The following UBE2V2 variants were observed in gnomAD, a reference collection of about 807,000 sequenced individuals.
UBE2V2 encodes ubiquitin-conjugating enzyme E2 variant 2.
A neutral mutation model predicts 17.2 loss-of-function variants in UBE2V2; 9 were observed. That is an observed-to-expected ratio of 0.52 (90% CI 0.32 to 0.91). The LOEUF is 0.91. Ranked by LOEUF, UBE2V2 falls within the 40% of genes least tolerant of loss-of-function variation. UBE2V2 has a pLI of 0.04. For synonymous variants in UBE2V2, 61 were observed against 57.5 expected (o/e 1.06, Z -0.28); for missense variants, 133 against 182.6 (o/e 0.73, Z 1.56).
chr8:48,031,220 ACAAAC>A (rs1019083807), intron 1 of UBE2V2, among the ~76,000 whole-genome samples: 28 of 674 alleles, frequency 0.042, no homozygotes, highest in African/African-American at 0.11. Context: ...AAACAAACAA[ACAAAC>A]CCCCCCCAAC....
chr8:48,045,660 C>G (rs2091493898), intron 2 of UBE2V2, among the ~76,000 whole-genome samples: 1 of 152,024 alleles, frequency 6.6e-6, no homozygotes, highest in African/African-American at 2.4e-5. Context: ...CATCAGAGAC[C>G]CCCTCACTTC....
intron 3 of UBE2V2, among the ~76,000 whole-genome samples, chr8:48,051,821 A>G (rs2091540756): frequency 6.6e-6 from 1 of 152,130 alleles, no homozygotes; most frequent in African/African-American, 2.4e-5. Flanking sequence ...ACCCTGAGAA[A>G]GGAAGAAGCT....
In UBE2V2 at chr8:48,024,761, AT is replaced by A. The variant is rs570668625; in HGVS notation, c.16+16292del. Among the ~76,000 whole-genome samples the A allele has an allele frequency of 6.6e-3, 999 of 152,292 alleles. 7 individuals carry two copies. The highest frequency in any genetic ancestry group is 0.011 in the Non-Finnish European group (754 of 68,018). On this transcript the variant is annotated intron_variant, in intron 1 of 3. Transcript: ENST00000523111. Reference sequence around the variant, plus strand: ...GATAGAGTCTAAAGGCATTAATAGAATATTAAAACTCCATGTTCTTTTAAGG... The same window carrying A: ...GATAGAGTCTAAAGGCATTAATAGAAATTAAAACTCCATGTTCTTTTAAGG...
chr8:48,006,481 C>T (rs753361869), upstream of UBE2V2, among the ~76,000 whole-genome samples: 8 of 151,952 alleles, frequency 5.3e-5, no homozygotes, highest in African/African-American at 1.9e-4. Context: ...CTTTTGCTTA[C>T]GATTGCCTTG....
intron 3 of UBE2V2, among the ~76,000 whole-genome samples, chr8:48,057,801 AAACT>A (rs748210666): frequency 2.0e-5 from 3 of 152,174 alleles, no homozygotes; most frequent in Non-Finnish European, 4.4e-5. Context: ...GTGTAAAGAA[AAACT>A]AATTATTGTA....
intron 1 of UBE2V2, among the ~76,000 whole-genome samples, chr8:48,036,305 T>C (rs2091424673): frequency 1.3e-5 from 2 of 151,800 alleles, no homozygotes; most frequent in African/African-American, 4.8e-5. Flanking sequence ...TGTTCTTAAG[T>C]AGTGCTCCAA....
At chr8:48,035,653 G>T (rs1353049940) in intron 1 of UBE2V2, among the ~76,000 whole-genome samples, 2 of 134,382 alleles carry the variant, frequency 1.5e-5, no homozygotes, top group African/African-American at 2.9e-5. Flanking sequence ...GTGTGTGTGT[G>T]TGTGTGTATA....
intron 1 of UBE2V2, among the ~76,000 whole-genome samples, chr8:48,014,258 A>G (rs2091252806): frequency 2.0e-5 from 3 of 152,150 alleles, no homozygotes; most frequent in Admixed American, 6.6e-5. Context: ...CATGCAAAAA[A>G]CTACCCAAAG....
intron 1 of UBE2V2, among the ~76,000 whole-genome samples, chr8:48,037,713 A>G (rs559962284): frequency 3.9e-5 from 6 of 152,208 alleles, no homozygotes; most frequent in South Asian, 4.1e-4. Context: ...CTCACAGTAG[A>G]CATTTGGTGC....
chr8:47,997,759 G>A, the UBE2V2 span, among the ~76,000 whole-genome samples: 1 of 151,932 alleles, frequency 6.6e-6, no homozygotes, highest in African/African-American at 2.4e-5. Flanking sequence ...ACGAGTAAGG[G>A]GTGGAGACGG....
intron 1 of UBE2V2, among the ~76,000 whole-genome samples, chr8:48,021,489 G>C (rs1214550719): frequency 6.6e-6 from 1 of 151,720 alleles, no homozygotes; most frequent in Non-Finnish European, 1.5e-5. Flanking sequence ...TGTATTTTTA[G>C]TAGAGATGGG....
chr8:48,004,617 C>T (rs557150352), upstream of UBE2V2, among the ~76,000 whole-genome samples: 22 of 151,420 alleles, frequency 1.5e-4, no homozygotes, highest in South Asian at 4.2e-4. Context: ...CTGCAACCTC[C>T]GCCTCTTGGG....
At chr8:48,009,837 A>G (rs2091215422) in intron 1 of UBE2V2, among the ~76,000 whole-genome samples, 3 of 152,186 alleles carry the variant, frequency 2.0e-5, no homozygotes, top group Admixed American at 1.3e-4. Flanking sequence ...GGTAGTATAC[A>G]TACTTGGGTC....
chr8:48,019,939 C>A (rs1055697615), intron 1 of UBE2V2, among the ~76,000 whole-genome samples: 1 of 152,136 alleles, frequency 6.6e-6, no homozygotes, highest in African/African-American at 2.4e-5. Flanking sequence ...CGACTGTACT[C>A]CAACCTGGGC....
At chr8:48,004,917 C>A (rs561447825), upstream of UBE2V2, among the ~76,000 whole-genome samples, 1 of 152,040 alleles carries the variant, frequency 6.6e-6, no homozygotes, top group Non-Finnish European at 1.5e-5. Context: ...AAGCCTTAAC[C>A]TCCTGGCTCA....
intron 1 of UBE2V2, among the ~76,000 whole-genome samples, chr8:48,040,844 GTTTTTT>G (rs71225699): frequency 1.3e-5 from 1 of 74,106 alleles, no homozygotes; most frequent in Non-Finnish European, 2.4e-5. Context: ...GCCAGGCTGG[GTTTTTT>G]TTTTTTTTTT....
chr8:48,035,176 C>G (rs555393497), intron 1 of UBE2V2: 2 of 941,688 alleles, frequency 2.1e-6, no homozygotes, highest in Non-Finnish European at 2.5e-6. Context: ...AGTGCAGTGG[C>G]ACAATCTCAG....
intron 1 of UBE2V2, among the ~76,000 whole-genome samples, chr8:48,031,954 A>AT (rs1399360270): frequency 1.3e-5 from 2 of 152,070 alleles, no homozygotes; most frequent in Admixed American, 6.6e-5. Flanking sequence ...TATAAATTAC[A>AT]TTTTTTTCTG....
intron 1 of UBE2V2, chr8:48,041,639 A>G (rs549094074): frequency 1.1e-4 from 17 of 152,318 alleles, no homozygotes; most frequent in African/African-American, 3.8e-4. Context: ...TTTGATTAAT[A>G]AATATTTACC....
Sources: allele counts gnomAD v4.1 joint callset (sites outside exome capture counted in the v4.1 genomes callset), GRCh38; gene constraint gnomAD v4.1.1; transcripts MANE v1.5; gene names NCBI Gene and HGNC (gene_info 2026-07-23, HGNC 2026-07-21).